NELL1: variants seen among roughly 807,000 people sequenced by gnomAD.
NELL1 encodes the protein protein kinase C-binding protein NELL1.
NELL1 carries 76 observed loss-of-function variants against 107.4 expected under a neutral mutation model. The observed-to-expected ratio is 0.71, with a 90% CI of 0.59 to 0.86. The LOEUF (loss-of-function observed/expected upper bound fraction) is 0.86, where lower values mean the gene tolerates loss of function less well. Ranked by LOEUF, NELL1 falls within the 40% of genes least tolerant of loss-of-function variation. The probability of loss-of-function intolerance (pLI) is 0.00; values close to 1 mark genes in which losing one functional copy is unlikely to be tolerated. For synonymous variants in NELL1, 353 were observed against 341.2 expected (o/e 1.03, Z -0.38); for missense variants, 1,024 against 1,005.5 (o/e 1.02, Z -0.25).
At chr11:21,118,711 A>G (rs1161616578) in intron 13 of NELL1, among the ~76,000 whole-genome samples, 1 of 152,082 alleles carries the variant, frequency 6.6e-6, no homozygotes, top group Non-Finnish European at 1.5e-5. Context: ...TCCAAAGACC[A>G]TTCTAGTCTC....
At chr11:20,868,444 AG>A (rs1849134893) in intron 4 of NELL1, among the ~76,000 whole-genome samples, 1 of 152,192 alleles carries the variant, frequency 6.6e-6, no homozygotes, top group Non-Finnish European at 1.5e-5. Flanking sequence ...GATGATAAAA[AG>A]TTAAGGAAAT....
intron 13 of NELL1, among the ~76,000 whole-genome samples, chr11:21,164,057 A>T: frequency 6.6e-6 from 1 of 152,156 alleles, no homozygotes. Flanking sequence ...GCAGTGTGCG[A>T]GTCAAGGAGA....
intron 13 of NELL1, among the ~76,000 whole-genome samples, chr11:21,138,697 TTTAAAA>T (rs1369230540): frequency 6.6e-6 from 1 of 152,234 alleles, no homozygotes; most frequent in African/African-American, 2.4e-5. Context: ...ATTTTTAATT[TTTAAAA>T]TTAAAGTTAT....
intron 15 of NELL1, among the ~76,000 whole-genome samples, chr11:21,384,631 G>A (rs1407962028): frequency 6.6e-6 from 1 of 151,750 alleles, no homozygotes; most frequent in Non-Finnish European, 1.5e-5. Context: ...AGAGTGTGAT[G>A]TTCCCCTTCC....
intron 15 of NELL1, among the ~76,000 whole-genome samples, chr11:21,460,791 T>C (rs1221765432): frequency 6.6e-6 from 1 of 152,088 alleles, no homozygotes; most frequent in East Asian, 1.9e-4. Context: ...CACCGTCTCT[T>C]CATTAGCTTG....
chr11:20,746,607 C>T (rs115418646), intron 2 of NELL1, among the ~76,000 whole-genome samples: 276 of 142,962 alleles, frequency 1.9e-3, no homozygotes, highest in African/African-American at 6.5e-3. Flanking sequence ...CACACACACA[C>T]GTGGAATTGA....
At chr11:20,821,132 C>A (rs1481892432) in intron 3 of NELL1, among the ~76,000 whole-genome samples, 1 of 152,100 alleles carries the variant, frequency 6.6e-6, no homozygotes, top group Non-Finnish European at 1.5e-5. Context: ...TAAACTGGGA[C>A]TTGAAGCATG....
At chr11:21,298,496 A>C (rs1849422327) in intron 14 of NELL1, among the ~76,000 whole-genome samples, 1 of 151,792 alleles carries the variant, frequency 6.6e-6, no homozygotes, top group South Asian at 2.1e-4. Context: ...CTCTTTCTGG[A>C]AGTAGTAGGT....
At chr11:20,915,101 A>C (rs1305532687) in intron 5 of NELL1, among the ~76,000 whole-genome samples, 1 of 152,068 alleles carries the variant, frequency 6.6e-6, no homozygotes, top group East Asian at 1.9e-4. Context: ...GGGGATACTA[A>C]GATGAAAATC....
At chr11:20,709,594 G>T (rs1326651471) in intron 2 of NELL1, among the ~76,000 whole-genome samples, 5 of 152,054 alleles carry the variant, frequency 3.3e-5, no homozygotes, top group African/African-American at 1.2e-4. Flanking sequence ...ATGGTATTTT[G>T]ATGGGAATTG....
intron 13 of NELL1, among the ~76,000 whole-genome samples, chr11:21,197,418 CAAAAAAA>C (rs58951508): frequency 7.0e-6 from 1 of 142,666 alleles, no homozygotes; most frequent in African/African-American, 2.6e-5. Flanking sequence ...AACAAACAAC[CAAAAAAA>C]AAAAAAAAAA....
intron 14 of NELL1, among the ~76,000 whole-genome samples, chr11:21,243,344 T>C (rs919027903): frequency 6.6e-6 from 1 of 152,068 alleles, no homozygotes; most frequent in African/African-American, 2.4e-5. Flanking sequence ...GCATAGGCCG[T>C]TTTTGCACAT....
intron 15 of NELL1, among the ~76,000 whole-genome samples, chr11:21,477,217 G>T (rs1325279590): frequency 6.6e-6 from 1 of 152,070 alleles, no homozygotes; most frequent in African/African-American, 2.4e-5. Flanking sequence ...TTGAGGAAAG[G>T]AGAGGGAAAG....
chr11:21,052,657 G>A (rs1320412544), intron 12 of NELL1, among the ~76,000 whole-genome samples: 1 of 152,092 alleles, frequency 6.6e-6, no homozygotes, highest in Non-Finnish European at 1.5e-5. Flanking sequence ...TCTGGAGAGT[G>A]AGTGGGCGAG....
chr11:20,869,909 G>T (rs150880509), intron 4 of NELL1, among the ~76,000 whole-genome samples: 2,355 of 152,258 alleles, frequency 0.015, 51 homozygotes, highest in South Asian at 0.085. Flanking sequence ...AAATCAACTT[G>T]AATACCTTGA....
chr11:20,884,104 A>T (rs899276083), intron 4 of NELL1, among the ~76,000 whole-genome samples: 1 of 152,348 alleles, frequency 6.6e-6, no homozygotes, highest in Admixed American at 6.5e-5. Context: ...TTGCCAGCTG[A>T]AAACCTTGCA....
intron 2 of NELL1, among the ~76,000 whole-genome samples, chr11:20,752,796 C>T (rs1856172049): frequency 6.6e-6 from 1 of 152,160 alleles, no homozygotes; most frequent in African/African-American, 2.4e-5. Flanking sequence ...GAGACCACAA[C>T]ATTACTTTTC....
At chr11:20,742,029 C>T (rs1054258016) in intron 2 of NELL1, among the ~76,000 whole-genome samples, 2 of 152,192 alleles carry the variant, frequency 1.3e-5, no homozygotes, top group Non-Finnish European at 2.9e-5. Context: ...ATACTTTGAG[C>T]AACAAAGGGT....
chr11:20,998,318 A>T (rs996578439), intron 12 of NELL1, among the ~76,000 whole-genome samples: 4 of 152,192 alleles, frequency 2.6e-5, no homozygotes, highest in Non-Finnish European at 5.9e-5. Context: ...TGATAGATTA[A>T]TTTTCCCTCA....
Sources: allele counts gnomAD v4.1 joint callset (sites outside exome capture counted in the v4.1 genomes callset), GRCh38; gene constraint gnomAD v4.1.1; transcripts MANE v1.5; gene names NCBI Gene and HGNC (gene_info 2026-07-23, HGNC 2026-07-21).